The following TP53I13 variants were observed in gnomAD, a reference collection of about 807,000 sequenced individuals.
The protein encoded by TP53I13 is tumor protein p53-inducible protein 13.
Under a neutral mutation model 39.1 loss-of-function variants are expected in TP53I13, and 27 were observed. The ratio of observed to expected loss-of-function variants is 0.69; its 90% CI spans 0.51 to 0.95. TP53I13 has a LOEUF of 0.95. Ranked by LOEUF, TP53I13 falls within the 40% of genes least tolerant of loss-of-function variation. TP53I13 has a pLI of 0.00. For missense variants in TP53I13, 544 were observed against 520.4 expected (o/e 1.05, Z -0.44); for synonymous variants, 230 against 224.6 (o/e 1.02, Z -0.22).
chr17:29,579,260 C>G, the TP53I13 span: 1 of 515,074 alleles, frequency 1.9e-6, no homozygotes, highest in African/African-American at 1.9e-5. Context: ...GTGAAGCTCC[C>G]CAGGTTCCTC....
intron 3 of TP53I13, 63 bp from the exon 4 acceptor site, chr17:29,571,528 A>G: frequency 1.9e-6 from 3 of 1,601,790 alleles, no homozygotes; most frequent in Non-Finnish European, 2.6e-6. Context: ...CCTGGATGGG[A>G]GAACTTGAGA....
upstream of TP53I13, chr17:29,568,636 A>C: frequency 1.8e-6 from 1 of 563,330 alleles, no homozygotes. This position sits in a 1 kb window ranked among gnomAD's most constrained non-coding sequence, Gnocchi z 4.5. Context: ...GCGCGAGCCC[A>C]GGGCCAACGG....
downstream of TP53I13, among the ~76,000 whole-genome samples, chr17:29,578,119 C>G (rs535713944): frequency 5.3e-5 from 8 of 152,210 alleles, no homozygotes; most frequent in Non-Finnish European, 8.8e-5. Flanking sequence ...CCGCCTCCCC[C>G]TCAGCACTCT....
At position 29,572,577 on chromosome 17, in the gene TP53I13, C is replaced by G. The variant is rs376411489; in HGVS notation, c.949C>G (p.Leu317Val). The G allele has an allele frequency of 1.2e-5, 19 of 1,596,236 alleles. No homozygotes were observed. In the South Asian group the frequency reaches 2.0e-4, roughly 17 times the overall value. ...AGAGGCCGCCTGGGCTGCCATGGCC[C>G]TGACCTTCCTGCTGGTGCTGCTCAC... ...TEEAAWAAMA[L>V]TFLLVLLTLA... The change falls in exon 6 of 7, where the codon CTG (leucine) becomes GTG (valine). Residue 317 changes from leucine to valine, a missense_variant. Leu to Val is a conservative substitution (Grantham distance 32, BLOSUM62 1). Transcript: ENST00000301057.
chr17:29,580,499 C>G, the TP53I13 span, among the ~76,000 whole-genome samples: 1 of 152,212 alleles, frequency 6.6e-6, no homozygotes, highest in East Asian at 1.9e-4. Context: ...CAGGTGGCAC[C>G]AGCATCCATC....
chr17:29,569,663 C>G (rs538700016), intron 3 of TP53I13: 16 of 336,092 alleles, frequency 4.8e-5, no homozygotes, highest in Admixed American at 3.0e-4. Flanking sequence ...TGGAAAAAAC[C>G]CAGGCTCCAG....
the TP53I13 span, chr17:29,578,973 G>A: frequency 6.2e-7 from 1 of 1,613,886 alleles, no homozygotes; most frequent in Non-Finnish European, 8.5e-7. Flanking sequence ...TCTGAGACAT[G>A]CACTTTTGCC....
intron 3 of TP53I13, chr17:29,570,792 C>CT (rs2032893464): frequency 6.6e-6 from 1 of 152,354 alleles, no homozygotes; most frequent in Non-Finnish European, 1.5e-5. Flanking sequence ...ACCACAGCCC[C>CT]TTTGCTCCTG....
rs1212982599 is a variant in TP53I13, at chr17:29,573,009, G to C, written c.*85G>C. On this transcript the variant is annotated 3_prime_UTR_variant, in exon 7 of 7. Coordinates refer to ENST00000301057, the MANE Select transcript of TP53I13 (RefSeq NM_138349.4). ...CTGCCACGTGGACCGCGCGCGGGGC[G>C]CTCCCTGGTGGCGATGGCGCGGCAC... 1 of 1,124,958 alleles carries C rather than the reference G, an allele frequency of 8.9e-7. No homozygotes were observed. Among genetic ancestry groups the C allele is most frequent in the Non-Finnish European group, 1.2e-6 (1 of 861,630 alleles). The allele number at this position is 1,124,958 out of a possible 1,614,324, so 69.7% of individuals were successfully genotyped here.
chr17:29,574,766 G>A, downstream of TP53I13: 1 of 1,613,546 alleles, frequency 6.2e-7, no homozygotes, highest in Non-Finnish European at 8.5e-7. Context: ...GATGTCATAG[G>A]CGCACTGGAT....
Position 29,572,393 on chromosome 17 carries a change from G to T in TP53I13, c.765G>T (p.Leu255=). ...NAPSVPTVSL[L]PGAPGGNASS... is the part of the protein sequence containing the mutation. ...CATCTGTGCCCACTGTCTCCCTGCT[G>T]CCGGGGGCGCCTGGAGGCAATGCCA... Residue 255 remains leucine (L), a synonymous_variant, in exon 6 of 7, where the codon CTG becomes CTT. Coordinates refer to ENST00000301057, the MANE Select transcript of TP53I13 (RefSeq NM_138349.4). 1 of 1,595,782 alleles carries T rather than the reference G, an allele frequency of 6.3e-7. No homozygotes were observed. Among genetic ancestry groups the T allele is most frequent in the East Asian group, 2.2e-5 (1 of 44,446 alleles).
downstream of TP53I13, chr17:29,575,608 C>T (rs978578780): frequency 6.2e-7 from 1 of 1,607,664 alleles, no homozygotes; most frequent in Non-Finnish European, 8.5e-7. This position sits in a 1 kb window ranked among gnomAD's most constrained non-coding sequence, Gnocchi z 5.5. Context: ...GCAGGCTGGA[C>T]TGGAGACCCA....
At chr17:29,579,309 C>T in the TP53I13 span, 1 of 426,482 alleles carries the variant, frequency 2.3e-6, no homozygotes, top group Non-Finnish European at 4.2e-6. Context: ...TTCTTAATCT[C>T]CCTCCTTCTA....
the TP53I13 span, chr17:29,581,053 A>G: frequency 4.3e-6 from 2 of 460,268 alleles, no homozygotes; most frequent in Non-Finnish European, 8.0e-6. This position sits in a 1 kb window ranked among gnomAD's most constrained non-coding sequence, Gnocchi z 4.8. Context: ...TGCTGGGATT[A>G]CAGGCGTGAG....
chr17:29,568,892 T>A lies in TP53I13; in HGVS notation c.72+62T>A. The A allele has an allele frequency of 2.5e-6, 4 of 1,599,250 alleles. No homozygotes were observed. The highest frequency in any genetic ancestry group is 3.4e-6 in the Non-Finnish European group (4 of 1,177,982). ...GAGCTCAAAGCGCTTTGCCAAAAGTTCGTCCTGGAAGGAGTGGCGCGCCGA... is the reference window on the plus strand; with the variant it reads ...GAGCTCAAAGCGCTTTGCCAAAAGTACGTCCTGGAAGGAGTGGCGCGCCGA... On this transcript the variant is annotated intron_variant, in intron 1 of 6. Transcript: ENST00000301057. This position sits in a 1 kb window ranked among gnomAD's most constrained non-coding sequence, Gnocchi z 4.5.
the TP53I13 span, chr17:29,581,581 T>C: frequency 1.9e-5 from 13 of 694,626 alleles, no homozygotes; most frequent in Admixed American, 1.1e-4. The surrounding 1 kb of genome is among the most constrained non-coding windows in gnomAD (Gnocchi z 4.8). Context: ...AGCGATGCTA[T>C]GGCCCAGAGC....
chr17:29,572,973 G>A lies in TP53I13; in HGVS notation c.*49G>A. ...CGTGCGGCTCCTCCCCGCGCCGCGA[G>A]GCCGCGACCTCTGCCACGTGGACCG... On this transcript the variant is annotated 3_prime_UTR_variant, in exon 7 of 7. Coordinates refer to ENST00000301057, the MANE Select transcript of TP53I13 (RefSeq NM_138349.4). 2.2e-6 allele frequency: 3 copies of A among 1,341,556 alleles called. No homozygotes were observed. Among genetic ancestry groups the A allele is most frequent in the Non-Finnish European group, 2.9e-6 (3 of 1,046,598 alleles). The allele number at this position is 1,341,556 out of a possible 1,614,324, so 83.1% of individuals were successfully genotyped here. A position where few individuals can be genotyped will look rare whatever the true frequency, so the allele number is the denominator to read the frequency against.
the TP53I13 span, among the ~76,000 whole-genome samples, chr17:29,579,589 T>C: frequency 6.6e-6 from 1 of 151,922 alleles, no homozygotes; most frequent in East Asian, 1.9e-4. Context: ...ATTTAAAAAT[T>C]AGCTGAGCAC....
downstream of TP53I13, chr17:29,574,750 C>T: frequency 1.2e-6 from 2 of 1,613,648 alleles, no homozygotes; most frequent in Non-Finnish European, 1.7e-6. Flanking sequence ...GCTTGGCAGC[C>T]TTGGCGATGT....
Sources: gnomAD v4.1 joint callset for allele counts (sites outside exome capture counted in the v4.1 genomes callset) on GRCh38, gnomAD v4.1.1 for gene constraint, Gnocchi (gnomAD v3.1) non-coding constraint, MANE v1.5 for transcripts, NCBI Gene and HGNC (gene_info 2026-07-23, HGNC 2026-07-21) for gene names.